Variants in NOD2 observed in about 807,000 individuals in gnomAD.
The protein encoded by NOD2 is nucleotide binding oligomerization domain containing 2.
A neutral mutation model predicts 90.9 loss-of-function variants in NOD2; 86 were observed. That is an observed-to-expected ratio of 0.95 (90% CI 0.79 to 1.13). The LOEUF is 1.13. NOD2 is among the 50% of genes most tolerant of loss of function. The pLI, the probability that NOD2 is intolerant of heterozygous loss-of-function variation, is 0.00. For missense variants in NOD2, 1,238 were observed against 1,283.8 expected, an observed-to-expected ratio of 0.96 and a Z score of 0.55; for synonymous variants, 581 against 554.6, an observed-to-expected ratio of 1.05 and a Z score of -0.67.
intron 6 of NOD2, among the ~76,000 whole-genome samples, chr16:50,718,102 C>T: frequency 6.6e-6 from 1 of 152,238 alleles, no homozygotes; most frequent in Non-Finnish European, 1.5e-5. Flanking sequence ...CTCTCCATCT[C>T]CCTCAAAATA....
rs374097770 is a variant in NOD2, at chr16:50,722,076, A to G, written c.2634-546A>G. Among the ~76,000 whole-genome samples, 11 of 152,186 alleles carry G rather than the reference A, an allele frequency of 7.2e-5. No homozygotes were observed. The East Asian group carries it at 2.1e-3, about 29-fold the overall frequency. Reference sequence around the variant, plus strand: ...AGTCAGAAGGTGTGAGTTGGGATCTACCTTTTGGAAAGGGATGTTTTCAAA... The same window carrying G: ...AGTCAGAAGGTGTGAGTTGGGATCTGCCTTTTGGAAAGGGATGTTTTCAAA... On this transcript the variant is annotated intron_variant, in intron 7 of 11. Transcript: ENST00000647318.
At chr16:50,716,870 C>T in intron 5 of NOD2, 21 bp from the exon 6 acceptor site, 1 of 1,611,890 alleles carries the variant, frequency 6.2e-7, no homozygotes, top group Non-Finnish European at 8.5e-7. Context: ...TCTGTGTCTC[C>T]TCTCTTCTGG....
rs1225094214 is a variant in NOD2, at chr16:50,719,282, C to T, written c.2550-643C>T. Among the ~76,000 whole-genome samples, 5 of 152,244 alleles carry T rather than the reference C, an allele frequency of 3.3e-5. No homozygotes were observed. In the East Asian group the frequency reaches 9.7e-4, roughly 29 times the overall value. ...TTGTGAGCTGAGTGGCTTGACGTTC[C>T]TTGAAAGAATGAAAGCGTATAGTTA... On this transcript the variant is annotated intron_variant, in intron 6 of 11. Coordinates refer to ENST00000647318, the MANE Select transcript of NOD2 (RefSeq NM_001370466.1).
chr16:50,711,757 G>A lies in NOD2; in HGVS notation c.1765G>A (p.Ala589Thr), dbSNP rs747674172. 5.0e-6 allele frequency: 8 copies of A among 1,614,074 alleles called. No homozygotes were observed. The highest frequency in any genetic ancestry group is 2.2e-5 in the East Asian group (1 of 44,898). Residue 589 changes from alanine (A) to threonine (T), a missense_variant, in exon 4 of 12, where the codon GCA (alanine) becomes ACA (threonine). Transcript: ENST00000647318. ...GTGCTTCTTTGCCGCGTTCTACCTGGCACTCAGTGCTGATGTGCCACCAGC... is the reference window on the plus strand; with the variant it reads ...GTGCTTCTTTGCCGCGTTCTACCTGACACTCAGTGCTGATGTGCCACCAGC... Reference protein sequence around the residue: ...FQCFFAAFYLALSADVPPALL... With the variant: ...FQCFFAAFYLTLSADVPPALL...
At position 50,716,984 on chromosome 16, in the gene NOD2, G is replaced by A; in HGVS notation, c.2549+10G>A. ...ACTTCTTGGCATTGAGGTGAGCCCA[G>A]GTTTTCCTTATTCCCTGGAAACTAT... On this transcript the variant is annotated intron_variant, in intron 6 of 11. Transcript: ENST00000647318. 1.9e-6 allele frequency: 3 copies of A among 1,613,954 alleles called. No homozygotes were observed. The highest frequency in any genetic ancestry group is 2.2e-5 in the South Asian group (2 of 91,084).
In NOD2 at chr16:50,716,460, T is replaced by C. The variant is rs1168203313; in HGVS notation, c.2382-127T>C. On this transcript the variant is annotated intron_variant, in intron 4 of 11. Transcript: ENST00000647318. Reference sequence around the variant, plus strand: ...CCACTTTTTTGGGGTGCTCCATCTATGCAGGGTTTCCTGGAAGCACAGATG... The same window carrying C: ...CCACTTTTTTGGGGTGCTCCATCTACGCAGGGTTTCCTGGAAGCACAGATG... 4.3e-6 allele frequency: 4 copies of C among 935,158 alleles called. No homozygotes were observed. The East Asian group carries it at 1.1e-4, about 25-fold the overall frequency. The allele number at this position is 935,158 out of a possible 1,614,324, so 57.9% of individuals were successfully genotyped here.
chr16:50,711,201 G>T lies in NOD2; in HGVS notation c.1209G>T (p.Val403=). Residue 403 remains valine (V), a synonymous_variant, in exon 4 of 12, where the codon GTG becomes GTT. Coordinates refer to ENST00000647318, the MANE Select transcript of NOD2 (RefSeq NM_001370466.1). ...TGGTGACCAGCCGTCCGGCCGCTGT[G>T]TCGGCGTTCCTCAGGAAGTACATCC... is the stretch of plus-strand genomic sequence containing the variant. The part of the protein sequence containing the change: ...RKVVTSRPAA[V]SAFLRKYIRT... 6.2e-7 allele frequency: 1 copy of T among 1,614,078 alleles called. No individual in the cohort carries two copies. Among genetic ancestry groups the T allele is most frequent in the Non-Finnish European group, 8.5e-7 (1 of 1,180,044 alleles).
At chr16:50,729,939 C>A in intron 11 of NOD2, 38 bp downstream of exon 11, 1 of 1,507,908 alleles carries the variant, frequency 6.6e-7, no homozygotes, top group Non-Finnish European at 9.2e-7. Context: ...GCTCTCCGAA[C>A]CTCAGTTTTT....
rs766123432 is a variant in NOD2, at chr16:50,712,074, C to T, written c.2082C>T (p.Ser694=). 6.8e-6 allele frequency: 11 copies of T among 1,613,518 alleles called. No homozygotes were observed. In the Admixed American group the frequency reaches 1.8e-4, roughly 27 times the overall value. ...GCAGCCTCCGCAAGCACTTCCACTC[C>T]ATCCCGCCAGCTGCACCGGGTGAGG... The part of the protein sequence containing the change: ...LARSLRKHFH[S]IPPAAPGEAK... Residue 694 remains serine (S), a synonymous_variant, in exon 4 of 12, where the codon TCC becomes TCT. Coordinates refer to ENST00000647318, the MANE Select transcript of NOD2 (RefSeq NM_001370466.1).
intron 6 of NOD2, among the ~76,000 whole-genome samples, chr16:50,718,206 G>A (rs1964884797): frequency 6.6e-6 from 1 of 152,212 alleles, no homozygotes; most frequent in Non-Finnish European, 1.5e-5. Flanking sequence ...GACGCATGCA[G>A]CACTGTGCTC....
intron 2 of NOD2, among the ~76,000 whole-genome samples, chr16:50,706,510 G>T (rs773325830): frequency 3.3e-5 from 5 of 152,116 alleles, no homozygotes; most frequent in Non-Finnish European, 7.4e-5. Flanking sequence ...TTGTGGCTTG[G>T]AGGAGGATGG....
rs569367611 is a variant in NOD2 at position 50,720,982 on chromosome 16, T to C, written c.2633+974T>C. Reference sequence around the variant, plus strand: ...ACCACGCCCAGCTAATTTTTGTATTTTTAGTAGAGACAGGGTTTCACCATG... The same window carrying C: ...ACCACGCCCAGCTAATTTTTGTATTCTTAGTAGAGACAGGGTTTCACCATG... On this transcript the variant is annotated intron_variant, in intron 7 of 11. Transcript: ENST00000647318. 5.3e-5 allele frequency among the ~76,000 whole-genome samples: 8 copies of C among 152,172 alleles called. No homozygotes were observed. In the South Asian group the frequency reaches 1.7e-3, roughly 32 times the overall value.
At chr16:50,729,519 G>C (rs926088600) in intron 10 of NOD2, among the ~76,000 whole-genome samples, 1 of 152,200 alleles carries the variant, frequency 6.6e-6, no homozygotes, top group Non-Finnish European at 1.5e-5. Flanking sequence ...AAGTGGTGTA[G>C]GTGGGATTTA....
At chr16:50,731,493 G>A (rs1465307431) in intron 11 of NOD2, among the ~76,000 whole-genome samples, 1 of 152,108 alleles carries the variant, frequency 6.6e-6, no homozygotes, top group Non-Finnish European at 1.5e-5. Flanking sequence ...ACTGGCCTTG[G>A]GGAGTCTGTG....
chr16:50,714,123 A>G (rs998543345), intron 4 of NOD2, among the ~76,000 whole-genome samples: 11 of 152,224 alleles, frequency 7.2e-5, no homozygotes, highest in Non-Finnish European at 1.5e-4. Context: ...GAGGCCAGGC[A>G]TCACTGGCCT....
intron 4 of NOD2, chr16:50,713,195 G>A (rs1324972104): frequency 6.6e-6 from 1 of 152,368 alleles, no homozygotes; most frequent in South Asian, 2.1e-4. Flanking sequence ...GGATTGCCCT[G>A]CTTCTATTTA....
chr16:50,722,749 G>A, intron 8 of NOD2, 44 bp downstream of exon 8: 1 of 1,575,124 alleles, frequency 6.3e-7, no homozygotes, highest in African/African-American at 1.3e-5. Context: ...GGGAGATCAG[G>A]TGAAGAGGGA....
intron 8 of NOD2, 72 bp from the exon 9 acceptor site, chr16:50,723,229 C>A: frequency 7.4e-7 from 1 of 1,346,804 alleles, no homozygotes; most frequent in Non-Finnish European, 1.1e-6. Context: ...ACGAATTTTG[C>A]CCTCCATAGG....
Position 50,696,858 on chromosome 16 carries a change from C to T in NOD2, c.-8-2630C>T, listed in dbSNP as rs1866531661. Among the ~76,000 whole-genome samples, 3 of 152,234 alleles carry T rather than the reference C, an allele frequency of 2.0e-5. No individual in the cohort carries two copies. The South Asian group carries it at 6.2e-4, about 32-fold the overall frequency. ...TGGGCGGGCCTCCCCTTCCTGGTGT[C>T]CACAGAAGCCCAACGTCACTAGCTG... is the stretch of plus-strand genomic sequence containing the variant. On this transcript the variant is annotated intron_variant, in intron 1 of 11. Coordinates refer to ENST00000647318, the MANE Select transcript of NOD2 (RefSeq NM_001370466.1).
Sources: gnomAD v4.1 joint callset for allele counts (sites outside exome capture counted in the v4.1 genomes callset) on GRCh38, gnomAD v4.1.1 for gene constraint, MANE v1.5 for transcripts, NCBI Gene and HGNC (gene_info 2026-07-23, HGNC 2026-07-21) for gene names.